Variants in FAM135A observed in about 807,000 individuals in gnomAD.
FAM135A encodes the protein protein FAM135A.
Under a neutral mutation model 146.8 loss-of-function variants are expected in FAM135A, and 79 were observed. The ratio of observed to expected loss-of-function variants is 0.54; its 90% CI spans 0.45 to 0.65. The LOEUF is 0.65. Among genes scored for constraint, FAM135A ranks in the 30% least tolerant of loss-of-function variants. The pLI is 0.00. For missense variants in FAM135A, 1,623 were observed against 1,758.2 expected (o/e 0.92, Z 1.38); for synonymous variants, 562 against 603.6 (o/e 0.93, Z 1.01).
intron 3 of FAM135A, among the ~76,000 whole-genome samples, chr6:70,427,166 A>T (rs1202829320): frequency 2.0e-5 from 3 of 152,140 alleles, no homozygotes; most frequent in African/African-American, 7.2e-5. Context: ...TTAAATAGTG[A>T]AAAAATGGAA....
intron 12 of FAM135A, among the ~76,000 whole-genome samples, chr6:70,518,546 A>G (rs1486287345): frequency 1.3e-5 from 2 of 152,236 alleles, no homozygotes; most frequent in Non-Finnish European, 2.9e-5. Flanking sequence ...TAGGACTTTC[A>G]TAGCTAGAAA....
chr6:70,464,833 A>ATTT (rs67408160), intron 5 of FAM135A, among the ~76,000 whole-genome samples: 3 of 64,322 alleles, frequency 4.7e-5, no homozygotes, highest in East Asian at 3.7e-4. Context: ...CGCCTGGCCA[A>ATTT]TTTTTTTTTT....
chr6:70,556,646 G>A, intron 20 of FAM135A, 104 bp from the exon 21 acceptor site: 1 of 674,960 alleles, frequency 1.5e-6, no homozygotes. Context: ...CAGAAACTTA[G>A]TACTGCTAAG....
intron 19 of FAM135A, among the ~76,000 whole-genome samples, chr6:70,536,968 A>G (rs1281154484): frequency 7.1e-6 from 1 of 140,712 alleles, no homozygotes; most frequent in Non-Finnish European, 1.5e-5. Context: ...ACAGAGTCTC[A>G]CTCTGTCACC....
chr6:70,560,797 T>C lies in FAM135A; in HGVS notation c.*876T>C, dbSNP rs930806147. On this transcript the variant is annotated 3_prime_UTR_variant, in exon 22 of 22. Transcript: ENST00000418814. ...GAAATACTTTTATGAATTTAGATAATTTTTAAATATTGTTAAAATTTATTG... is the reference window on the plus strand; with the variant it reads ...GAAATACTTTTATGAATTTAGATAACTTTTAAATATTGTTAAAATTTATTG... 1.3e-5 allele frequency: 2 copies of C among 152,548 alleles called. No homozygotes were observed. The highest frequency in any genetic ancestry group is 2.4e-5 in the African/African-American group (1 of 41,454). The allele number at this position is 152,548 out of a possible 1,614,324, so 9.4% of individuals were successfully genotyped here. A position where few individuals can be genotyped will look rare whatever the true frequency, so the allele number is the denominator to read the frequency against.
intron 12 of FAM135A, chr6:70,504,316 A>G (rs1211446766): frequency 6.6e-6 from 1 of 152,208 alleles, no homozygotes; most frequent in East Asian, 1.9e-4. Flanking sequence ...CTAATAAGAT[A>G]ACTTTTTTCT....
At chr6:70,449,603 AT>A (rs1198156448) in intron 4 of FAM135A, among the ~76,000 whole-genome samples, 5 of 152,092 alleles carry the variant, frequency 3.3e-5, no homozygotes, top group Non-Finnish European at 5.9e-5. Context: ...TTAAGGCTAT[AT>A]GTAGTATTCT....
In FAM135A at chr6:70,525,735, A is replaced by G; in HGVS notation, c.2651A>G (p.Asp884Gly). ...LGTTDLPKCDDTKKSSITLQQ... is the reference protein window; with the variant it reads ...LGTTDLPKCDGTKKSSITLQQ... ...ACGACTGATTTGCCAAAATGTGATG[A>G]TACTAAAAAGTCAAGTATCACTTTG... The change falls in exon 15 of 22, where the codon GAT becomes GGT. Residue 884 changes from aspartate to glycine, a missense_variant. Asp to Gly is a moderately conservative substitution (Grantham distance 94, BLOSUM62 -1). Around this residue, in one of 7 missense-constraint regions of FAM135A, gnomAD observed 1,061 missense variants for 1,113.8 expected, o/e 0.95. Coordinates refer to ENST00000418814, the MANE Select transcript of FAM135A (RefSeq NM_001162529.3). 6.2e-7 allele frequency: 1 copy of G among 1,613,360 alleles called. No homozygotes were observed.
Position 70,533,791 on chromosome 6 carries a change from A to T in FAM135A, c.3902A>T (p.Asp1301Val). 6.3e-7 allele frequency: 1 copy of T among 1,587,666 alleles called. No individual in the cohort carries two copies. Among genetic ancestry groups the T allele is most frequent in the Non-Finnish European group, 8.5e-7 (1 of 1,170,450 alleles). ...DTFADFDSMTDRLLDEIIQYI... is the reference protein window; with the variant it reads ...DTFADFDSMTVRLLDEIIQYI... ...TTTGCTGATTTTGATAGCATGACTGATCGTCTTTTGGATGAGATAATACAG... is the reference window on the plus strand; with the variant it reads ...TTTGCTGATTTTGATAGCATGACTGTTCGTCTTTTGGATGAGATAATACAG... The change falls in exon 18 of 22, where the codon GAT becomes GTT. Residue 1301 changes from aspartate (D) to valine (V), a missense_variant. By Grantham distance (152) the Asp-to-Val change is radical. This residue lies in a region of FAM135A where 1,061 missense variants were observed against 1,113.8 expected (regional missense o/e 0.95). Transcript: ENST00000418814.
intron 16 of FAM135A, among the ~76,000 whole-genome samples, chr6:70,530,750 C>G (rs933093416): frequency 3.9e-5 from 6 of 151,988 alleles, no homozygotes; most frequent in Admixed American, 3.3e-4. Flanking sequence ...GAGACTCCAT[C>G]TCAAACAAAC....
chr6:70,560,355 C>T lies in FAM135A; in HGVS notation c.*434C>T, dbSNP rs1306088163. 6.5e-6 allele frequency: 1 copy of T among 153,268 alleles called. No homozygotes were observed. The highest frequency in any genetic ancestry group is 2.0e-4 in the South Asian group (1 of 4,882). The allele number at this position is 153,268 out of a possible 1,614,324, so 9.5% of individuals were successfully genotyped here. A position where few individuals can be genotyped will look rare whatever the true frequency, so the allele number is the denominator to read the frequency against. On this transcript the variant is annotated 3_prime_UTR_variant, in exon 22 of 22. Transcript: ENST00000418814. Reference sequence around the variant, plus strand: ...TATAAATTTTTCTTTTCACATTTTACTGTGTTTTAACTGGAAATAAAATTA... The same window carrying T: ...TATAAATTTTTCTTTTCACATTTTATTGTGTTTTAACTGGAAATAAAATTA...
Position 70,533,194 on chromosome 6 carries a change from C to G in FAM135A, c.3810C>G (p.Tyr1270Ter). The G allele has an allele frequency of 6.2e-7, 1 of 1,612,794 alleles. No individual in the cohort carries two copies. ...CAGATCTCCGATTAGTAAAAACTTA[C>G]ATTGAACTTGGATTGCCTGGGGGAA... ...NSADLRLVKT[Y>*]IELGLPGGRI... Residue 1270 changes from tyrosine (Y) to a stop codon, truncating the protein, a stop_gained, in exon 17 of 22, where the codon TAC becomes TAG. Transcript: ENST00000418814. LOFTEE classifies it high-confidence loss of function.
chr6:70,447,530 A>G (rs9455112), intron 4 of FAM135A, among the ~76,000 whole-genome samples: 3,236 of 152,322 alleles, frequency 0.021, 108 homozygotes, highest in African/African-American at 0.074. Flanking sequence ...CCTCAGGCAG[A>G]AGGCTCACAG....
intron 11 of FAM135A, among the ~76,000 whole-genome samples, chr6:70,493,146 T>G (rs900921348): frequency 6.6e-6 from 1 of 152,090 alleles, no homozygotes; most frequent in East Asian, 1.9e-4. Context: ...TCCATGAAGC[T>G]TGATACTGTT....
rs113621194 is a variant in FAM135A at position 70,508,085 on chromosome 6, G to A, written c.1029+5294G>A. 4.2e-3 allele frequency among the ~76,000 whole-genome samples: 644 copies of A among 152,210 alleles called. 4 individuals are homozygous for A. Among genetic ancestry groups the A allele is most frequent in the African/African-American group, 0.015 (606 of 41,538 alleles). On this transcript the variant is annotated intron_variant, in intron 12 of 21. Transcript: ENST00000418814. ...TTCCACAGCTCAACATAAAAAAGGC[G>A]AGGTTCATACTAGTGGATTGCAATA...
At chr6:70,450,716 GTT>G (rs546674936) in intron 4 of FAM135A, among the ~76,000 whole-genome samples, 3 of 28,344 alleles carry the variant, frequency 1.1e-4, no homozygotes, top group Non-Finnish European at 1.5e-4. Context: ...CCTTTTAGTT[GTT>G]TTTTTTTTTT....
chr6:70,452,634 GT>G (rs1032350708), intron 5 of FAM135A, 63 bp downstream of exon 5: 2 of 1,237,942 alleles, frequency 1.6e-6, no homozygotes, highest in Non-Finnish European at 2.2e-6. Context: ...TTTTAATAAA[GT>G]TTTTTCATTA....
At chr6:70,458,130 CTG>C (rs1184168364) in intron 5 of FAM135A, among the ~76,000 whole-genome samples, 1 of 151,806 alleles carries the variant, frequency 6.6e-6, no homozygotes, top group Non-Finnish European at 1.5e-5. Flanking sequence ...AAAATATTAT[CTG>C]TGTATTTTTT....
intron 12 of FAM135A, among the ~76,000 whole-genome samples, chr6:70,521,740 G>C (rs770280495): frequency 1.3e-5 from 2 of 152,158 alleles, no homozygotes; most frequent in South Asian, 4.1e-4. Flanking sequence ...TTTTGCTCCA[G>C]TAGCTGACAA....
Sources: gnomAD v4.1 joint callset for allele counts (sites outside exome capture counted in the v4.1 genomes callset) on GRCh38, gnomAD v4.1.1 for gene constraint, gnomAD v4.1.1 regional missense constraint, MANE v1.5 for transcripts, NCBI Gene and HGNC (gene_info 2026-07-23, HGNC 2026-07-21) for gene names.